HPF1: variants seen among roughly 807,000 people sequenced by gnomAD.
HPF1 encodes the protein UPF0609 protein C4orf27.
Under a neutral mutation model 38.8 loss-of-function variants are expected in HPF1, and 35 were observed. The ratio of observed to expected loss-of-function variants is 0.90; its 90% CI spans 0.69 to 1.19. The LOEUF (loss-of-function observed/expected upper bound fraction) is 1.19. Among genes scored for constraint, HPF1 ranks in the 50% most tolerant of loss-of-function variants. The pLI is 0.00. For missense variants in HPF1, 367 were observed against 405.8 expected (o/e 0.90, Z 0.82); for synonymous variants, 115 against 139.2 (o/e 0.83, Z 1.22).
intron 6 of HPF1, among the ~76,000 whole-genome samples, chr4:169,735,978 A>G (rs1262228508): frequency 6.6e-6 from 1 of 151,878 alleles, no homozygotes; most frequent in Admixed American, 6.6e-5. Context: ...TGAAATTAAG[A>G]TATTTTATTT....
intron 4 of HPF1, among the ~76,000 whole-genome samples, chr4:169,746,992 T>TAA (rs759955706): frequency 1.1e-4 from 15 of 142,722 alleles, no homozygotes; most frequent in African/African-American, 1.5e-4. Context: ...TATCTTTTTT[T>TAA]AAAAAAAAAA....
intron 1 of HPF1, among the ~76,000 whole-genome samples, chr4:169,754,653 T>A (rs1444470066): frequency 2.6e-5 from 4 of 152,174 alleles, no homozygotes; most frequent in Non-Finnish European, 5.9e-5. Flanking sequence ...TTCTTTCTTT[T>A]TGGATTAAGT....
In HPF1 at chr4:169,739,768, C is replaced by T. The variant is rs144620080; in HGVS notation, c.649-2021G>A. ...TGACCATAAGCACAGTATTCTGCAGCCGCTCAAAATTATGAGGTAGATCTT... is the reference window on the plus strand; with the variant it reads ...TGACCATAAGCACAGTATTCTGCAGTCGCTCAAAATTATGAGGTAGATCTT... On this transcript the variant is annotated intron_variant, in intron 5 of 7. Coordinates refer to ENST00000393381, the MANE Select transcript of HPF1 (RefSeq NM_017867.3). 8.0e-3 allele frequency among the ~76,000 whole-genome samples: 1,215 copies of T among 152,220 alleles called. 18 individuals carry two copies. The highest frequency in any genetic ancestry group is 0.027 in the African/African-American group (1,129 of 41,518).
rs1210866180 is a variant in HPF1, at chr4:169,748,934, C to A, written c.399-92G>T. 8.0e-6 allele frequency: 5 copies of A among 628,552 alleles called. No homozygotes were observed. In the East Asian group the frequency reaches 9.4e-5, roughly 12 times the overall value. 38.9% of individuals were successfully genotyped at this position (628,552 alleles called of 1,614,324 possible). A position where few individuals can be genotyped will look rare whatever the true frequency, so the allele number is the denominator to read the frequency against. Reference sequence around the variant, plus strand: ...CAGGTCTACAGACAACAATTTACACCTATTTTTTTTCCTTTTTGGAGGCCT... The same window carrying A: ...CAGGTCTACAGACAACAATTTACACATATTTTTTTTCCTTTTTGGAGGCCT... On this transcript the variant is annotated intron_variant, in intron 3 of 7. Coordinates refer to ENST00000393381, the MANE Select transcript of HPF1 (RefSeq NM_017867.3).
chr4:169,746,354 C>T (rs1281296490), intron 4 of HPF1, among the ~76,000 whole-genome samples: 1 of 152,056 alleles, frequency 6.6e-6, no homozygotes, highest in Non-Finnish European at 1.5e-5. Context: ...TCACATAGTA[C>T]CTGACAATGT....
chr4:169,733,554 C>G (rs1733856655), intron 6 of HPF1, among the ~76,000 whole-genome samples: 1 of 152,122 alleles, frequency 6.6e-6, no homozygotes, highest in African/African-American at 2.4e-5. Flanking sequence ...ATGTATGAGG[C>G]ACAACGTTCT....
At chr4:169,747,233 A>C (rs920671914) in intron 4 of HPF1, among the ~76,000 whole-genome samples, 9 of 151,716 alleles carry the variant, frequency 5.9e-5, no homozygotes, top group African/African-American at 2.2e-4. Context: ...GTTTCTAATA[A>C]AGATGGCACC....
intron 6 of HPF1, among the ~76,000 whole-genome samples, chr4:169,734,188 A>G (rs1460969846): frequency 1.3e-5 from 2 of 152,228 alleles, no homozygotes; most frequent in Non-Finnish European, 2.9e-5. Flanking sequence ...GAGCTTCATG[A>G]CATTCCTTTC....
At chr4:169,736,521 C>T (rs896198138) in intron 6 of HPF1, among the ~76,000 whole-genome samples, 11 of 152,112 alleles carry the variant, frequency 7.2e-5, no homozygotes, top group Admixed American at 5.9e-4. Flanking sequence ...AAAACAGGTC[C>T]GTATGAGTAG....
At chr4:169,736,207 C>T (rs745800979) in intron 6 of HPF1, among the ~76,000 whole-genome samples, 3 of 151,490 alleles carry the variant, frequency 2.0e-5, no homozygotes, top group Non-Finnish European at 4.4e-5. Context: ...AGTGAGACCC[C>T]GTCTCTACAG....
chr4:169,747,111 G>A (rs146201503), intron 4 of HPF1, among the ~76,000 whole-genome samples: 5 of 150,030 alleles, frequency 3.3e-5, no homozygotes, highest in Non-Finnish European at 7.4e-5. Context: ...ACATGCCAAG[G>A]TATTTATAGA....
chr4:169,732,818 C>G (rs1733846812), intron 6 of HPF1, among the ~76,000 whole-genome samples: 1 of 152,120 alleles, frequency 6.6e-6, no homozygotes, highest in Non-Finnish European at 1.5e-5. Flanking sequence ...AGTATAACAA[C>G]TATTTACATA....
intron 1 of HPF1, among the ~76,000 whole-genome samples, chr4:169,755,541 T>C (rs1451906001): frequency 6.6e-6 from 1 of 152,228 alleles, no homozygotes. Flanking sequence ...GTTTGTTTTC[T>C]TGTTGCTTTA....
At chr4:169,736,940 C>T (rs767788511) in intron 6 of HPF1, among the ~76,000 whole-genome samples, 3 of 152,110 alleles carry the variant, frequency 2.0e-5, no homozygotes, top group South Asian at 2.1e-4. Flanking sequence ...TTACAGATGA[C>T]GTAGTTCAGG....
intron 1 of HPF1, among the ~76,000 whole-genome samples, chr4:169,755,100 T>G (rs1331880090): frequency 7.4e-6 from 1 of 134,596 alleles, no homozygotes; most frequent in Non-Finnish European, 1.6e-5. Context: ...ATTTTCTCAG[T>G]AGTCTGAAGT....
At position 169,757,905 on chromosome 4, in the gene HPF1, C is replaced by T; in HGVS notation, c.-28G>A. On this transcript the variant is annotated 5_prime_UTR_variant, in exon 1 of 8. Transcript: ENST00000393381. ...TGCAGCTGCAGCGCCAGCAGAATTC[C>T]CCGATCCGCGGCCGCTTCCGAGCGC... 4 of 1,541,328 alleles carry T rather than the reference C, an allele frequency of 2.6e-6. No homozygotes were observed. Among genetic ancestry groups the T allele is most frequent in the South Asian group, 2.4e-5 (2 of 84,260 alleles).
intron 4 of HPF1, among the ~76,000 whole-genome samples, chr4:169,746,059 G>T (rs2150291988): frequency 6.6e-6 from 1 of 152,214 alleles, no homozygotes; most frequent in South Asian, 2.1e-4. Context: ...GTTGTTCAAA[G>T]TTATTTAAGA....
chr4:169,756,971 C>T (rs115373365), intron 1 of HPF1, among the ~76,000 whole-genome samples: 112 of 152,270 alleles, frequency 7.4e-4, no homozygotes, highest in South Asian at 3.9e-3. Flanking sequence ...ACCGATGGCC[C>T]TTTAACAGTT....
chr4:169,738,544 C>T (rs917218423), intron 5 of HPF1, among the ~76,000 whole-genome samples: 13 of 152,174 alleles, frequency 8.5e-5, no homozygotes, highest in African/African-American at 2.9e-4. Flanking sequence ...AGGCCTCTCA[C>T]CTAAGTCTCT....
Sources: gnomAD v4.1 joint callset for allele counts (sites outside exome capture counted in the v4.1 genomes callset) on GRCh38, gnomAD v4.1.1 for gene constraint, MANE v1.5 for transcripts, NCBI Gene and HGNC (gene_info 2026-07-23, HGNC 2026-07-21) for gene names.